MED27: variants seen among roughly 807,000 people sequenced by gnomAD.
MED27 encodes the protein mediator of RNA polymerase II transcription subunit 27.
MED27 carries 30 observed loss-of-function variants against 38.2 expected under a neutral mutation model. That is an observed-to-expected ratio of 0.79 (90% CI 0.59 to 1.07). MED27 has a LOEUF of 1.07. Among genes scored for constraint, MED27 ranks in the 50% least tolerant of loss-of-function variants. The pLI, the probability that MED27 is intolerant of heterozygous loss-of-function variation, is 0.00. For synonymous variants in MED27, 122 were observed against 153.5 expected (o/e 0.79, Z 1.52); for missense variants, 289 against 397.5 (o/e 0.73, Z 2.32).
At chr9:132,029,782 G>T (rs1421043557) in intron 2 of MED27, among the ~76,000 whole-genome samples, 1 of 151,958 alleles carries the variant, frequency 6.6e-6, no homozygotes, top group Non-Finnish European at 1.5e-5. Flanking sequence ...CTGGGAACAA[G>T]GCAGGGGAAA....
At chr9:132,032,778 T>C (rs1347787470) in intron 2 of MED27, among the ~76,000 whole-genome samples, 2 of 152,194 alleles carry the variant, frequency 1.3e-5, no homozygotes, top group African/African-American at 4.8e-5. Context: ...CTAGCCACTC[T>C]CTTGGCCTCC....
At chr9:131,968,739 C>T (rs1831411184) in intron 3 of MED27, among the ~76,000 whole-genome samples, 1 of 152,188 alleles carries the variant, frequency 6.6e-6, no homozygotes, top group Admixed American at 6.6e-5. Flanking sequence ...CCCTGGGCCA[C>T]AGACGGGTAC....
chr9:131,936,291 C>T (rs1293317807), intron 4 of MED27, among the ~76,000 whole-genome samples: 1 of 152,190 alleles, frequency 6.6e-6, no homozygotes, highest in Non-Finnish European at 1.5e-5. Flanking sequence ...ATAGGTGTCC[C>T]CGCAGCCACG....
At chr9:132,050,332 A>G (rs1455132640) in intron 2 of MED27, among the ~76,000 whole-genome samples, 7 of 152,252 alleles carry the variant, frequency 4.6e-5, no homozygotes, top group South Asian at 2.1e-4. Flanking sequence ...GGCAACGTGC[A>G]GGGCCTCAGA....
At chr9:131,988,514 T>C (rs1291071346) in intron 3 of MED27, among the ~76,000 whole-genome samples, 1 of 152,264 alleles carries the variant, frequency 6.6e-6, no homozygotes. Flanking sequence ...GAATGAATAG[T>C]AGATGTATTT....
In MED27 at chr9:131,889,950, G is replaced by A. The variant is rs1042363117; in HGVS notation, c.681+3935C>T. 1.4e-4 allele frequency among the ~76,000 whole-genome samples: 21 copies of A among 152,158 alleles called. No individual in the cohort carries two copies. The highest frequency in any genetic ancestry group is 5.1e-4 in the African/African-American group (21 of 41,406). ...ACGCAGGCTGCGTCCCGGGAGCAGCGACGTCTCCAGCAACAACGTGCTCTT... is the reference window on the plus strand; with the variant it reads ...ACGCAGGCTGCGTCCCGGGAGCAGCAACGTCTCCAGCAACAACGTGCTCTT... On this transcript the variant is annotated intron_variant, in intron 5 of 7. Transcript: ENST00000292035. The surrounding 1 kb of genome is among the most constrained non-coding windows in gnomAD (Gnocchi z 4.2).
Position 132,003,364 on chromosome 9 carries a change from C to T in MED27, c.479+10973G>A, listed in dbSNP as rs1832285197. Among the ~76,000 whole-genome samples, 1 of 152,234 alleles carries T rather than the reference C, an allele frequency of 6.6e-6. No individual in the cohort carries two copies. Among genetic ancestry groups the T allele is most frequent in the African/African-American group, 2.4e-5 (1 of 41,462 alleles). On this transcript the variant is annotated intron_variant, in intron 3 of 7. Transcript: ENST00000292035. The surrounding 1 kb of genome is among the most constrained non-coding windows in gnomAD (Gnocchi z 4.2). ...TCTATTTTATGCAATTTCTCTTTGA[C>T]TCAGTATCTACGGAAGACACTGGGT...
chr9:131,987,827 GT>G (rs1167869365), intron 3 of MED27, among the ~76,000 whole-genome samples: 1 of 152,246 alleles, frequency 6.6e-6, no homozygotes. Context: ...TACTGGGGCA[GT>G]GGGGAAAGCA....
At chr9:132,031,905 ATT>A (rs1832972771) in intron 2 of MED27, 1 of 152,248 alleles carries the variant, frequency 6.6e-6, no homozygotes, top group Non-Finnish European at 1.5e-5. Flanking sequence ...GTAACACTTA[ATT>A]TTATTTCAAG....
chr9:131,998,130 G>A (rs1401707955), intron 3 of MED27, among the ~76,000 whole-genome samples: 1 of 151,974 alleles, frequency 6.6e-6, no homozygotes, highest in East Asian at 1.9e-4. Context: ...CAAAGAACCA[G>A]AAGGAATGGG....
intron 6 of MED27, among the ~76,000 whole-genome samples, chr9:131,878,274 AAAAT>A (rs139530478): frequency 0.14 from 20,926 of 147,806 alleles, 1,506 homozygotes; most frequent in Non-Finnish European, 0.16. Context: ...CTCCATTACA[AAAAT>A]AAATAAATAA....
chr9:131,931,279 A>C (rs999524553), intron 4 of MED27, among the ~76,000 whole-genome samples: 11 of 152,078 alleles, frequency 7.2e-5, no homozygotes, highest in African/African-American at 1.2e-4. Context: ...ATAAAGAATG[A>C]ATAAATAAAA....
At chr9:132,041,600 G>T (rs1231316098) in intron 2 of MED27, among the ~76,000 whole-genome samples, 1 of 152,234 alleles carries the variant, frequency 6.6e-6, no homozygotes, top group South Asian at 2.1e-4. Context: ...GGCCTGCAGT[G>T]CCCATGTGTG....
chr9:131,940,041 G>A (rs754192297), intron 3 of MED27, among the ~76,000 whole-genome samples: 1 of 151,672 alleles, frequency 6.6e-6, no homozygotes, highest in Non-Finnish European at 1.5e-5. Context: ...CGAGTAGCTG[G>A]GACTACAGGC....
intron 6 of MED27, among the ~76,000 whole-genome samples, chr9:131,863,470 C>T (rs1463542271): frequency 6.6e-6 from 1 of 152,224 alleles, no homozygotes; most frequent in African/African-American, 2.4e-5. Flanking sequence ...GATCCCAAGC[C>T]TCCCTGCTCA....
intron 3 of MED27, among the ~76,000 whole-genome samples, chr9:131,957,304 G>A (rs2130993063): frequency 6.6e-6 from 1 of 151,928 alleles, no homozygotes; most frequent in South Asian, 2.1e-4. Context: ...TCAGGCTGGA[G>A]TGTGCGGTGA....
chr9:131,968,134 C>G (rs1332680531), intron 3 of MED27, among the ~76,000 whole-genome samples: 1 of 152,002 alleles, frequency 6.6e-6, no homozygotes, highest in Non-Finnish European at 1.5e-5. Flanking sequence ...GATTCTTATA[C>G]TCAGGAATTA....
At chr9:131,898,235 T>C (rs1356699828) in intron 4 of MED27, among the ~76,000 whole-genome samples, 1 of 152,124 alleles carries the variant, frequency 6.6e-6, no homozygotes, top group Admixed American at 6.6e-5. Context: ...TGTCAATTCT[T>C]ATTTATTTAT....
At chr9:131,960,530 T>C (rs890255128) in intron 3 of MED27, among the ~76,000 whole-genome samples, 1 of 152,218 alleles carries the variant, frequency 6.6e-6, no homozygotes, top group Admixed American at 6.5e-5. Flanking sequence ...TGACAGAGAC[T>C]GTAGTGAATC....
Sources: allele counts gnomAD v4.1 joint callset (sites outside exome capture counted in the v4.1 genomes callset), GRCh38; gene constraint gnomAD v4.1.1; non-coding constraint Gnocchi (gnomAD v3.1); transcripts MANE v1.5; gene names NCBI Gene and HGNC (gene_info 2026-07-23, HGNC 2026-07-21).